Variants in ETV6 observed in about 807,000 individuals in gnomAD.
The protein encoded by ETV6 is transcription factor ETV6.
Under a neutral mutation model 51.1 loss-of-function variants are expected in ETV6, and 16 were observed. That is an observed-to-expected ratio of 0.31 (90% CI 0.21 to 0.48). The LOEUF (loss-of-function observed/expected upper bound fraction) is 0.48, where lower values mean the gene tolerates loss of function less well. ETV6 is among the 20% of genes least tolerant of loss of function. The pLI is 0.99. For synonymous variants in ETV6, 240 were observed against 224.1 expected (o/e 1.07, Z -0.64); for missense variants, 458 against 594.8 (o/e 0.77, Z 2.39).
chr12:11,662,424 G>T (rs1276354902), intron 1 of ETV6, among the ~76,000 whole-genome samples: 2 of 152,190 alleles, frequency 1.3e-5, no homozygotes, highest in African/African-American at 2.4e-5. Flanking sequence ...TCTCTGTCTT[G>T]AAAAACTTGG....
At chr12:11,730,635 C>G (rs1045605272) in intron 1 of ETV6, among the ~76,000 whole-genome samples, 1 of 152,226 alleles carries the variant, frequency 6.6e-6, no homozygotes, top group African/African-American at 2.4e-5. Context: ...TGTGAACCTG[C>G]GACTTCATCC....
In ETV6 at chr12:11,689,124, G is replaced by A. The variant is rs1431591384; in HGVS notation, c.33+38964G>A. Among the ~76,000 whole-genome samples, 2 of 141,934 alleles carry A rather than the reference G, an allele frequency of 1.4e-5. 1 individual carries two copies. The highest frequency in any genetic ancestry group is 4.5e-4 in the East Asian group (2 of 4,472). 93.1% of individuals were successfully genotyped at this position (141,934 alleles called of 152,430 possible). A position where few individuals can be genotyped will look rare whatever the true frequency, so the allele number is the denominator to read the frequency against. Reference sequence around the variant, plus strand: ...CAAAGGAGGCCCAGGACTCAGCCTGGCAGGGAAAATGGGGCGGGGGGGCGG... The same window carrying A: ...CAAAGGAGGCCCAGGACTCAGCCTGACAGGGAAAATGGGGCGGGGGGGCGG... On this transcript the variant is annotated intron_variant, in intron 1 of 7. Transcript: ENST00000396373.
chr12:11,843,184 G>A lies in ETV6; in HGVS notation c.328+3880G>A, dbSNP rs560820270. On this transcript the variant is annotated intron_variant, in intron 3 of 7. Transcript: ENST00000396373. Reference sequence around the variant, plus strand: ...TTACCACAGAACACAGGAGTATTGCGAATGGGTTTATAAGACAACTAAGTT... The same window carrying A: ...TTACCACAGAACACAGGAGTATTGCAAATGGGTTTATAAGACAACTAAGTT... 4.6e-5 allele frequency among the ~76,000 whole-genome samples: 7 copies of A among 152,310 alleles called. No homozygotes were observed. The South Asian group carries it at 6.2e-4, about 14-fold the overall frequency.
In ETV6 at chr12:11,892,172, C is replaced by CAA. The variant is rs951054173; in HGVS notation, c.*1128_*1129dup. On this transcript the variant is annotated 3_prime_UTR_variant, in exon 8 of 8. Transcript: ENST00000396373. The stretch of plus-strand genomic sequence containing the variant: ...AGAAAAGCTCCTCTCTGCTCCATTC[C>CAA]AAAGGCCATCTTGTGGTCAGTTTCA... The CAA allele has an allele frequency of 7.8e-5, 18 of 229,436 alleles. No individual in the cohort carries two copies. The highest frequency in any genetic ancestry group is 1.4e-4 in the African/African-American group (6 of 44,066). 14.2% of individuals were successfully genotyped at this position (229,436 alleles called of 1,614,324 possible).
intron 2 of ETV6, among the ~76,000 whole-genome samples, chr12:11,813,782 G>A (rs1342144973): frequency 6.6e-6 from 1 of 152,232 alleles, no homozygotes; most frequent in African/African-American, 2.4e-5. Flanking sequence ...ATTTAGGACA[G>A]GCCAAAGAAA....
At chr12:11,706,614 T>C (rs2954980) in intron 1 of ETV6, among the ~76,000 whole-genome samples, 99,562 of 152,042 alleles carry the variant, frequency 0.65, 32,721 homozygotes, top group Middle Eastern at 0.78. Flanking sequence ...TGCTAGGAGA[T>C]AGTAGGGCCA....
At chr12:11,859,118 G>GCCTTTTTT (rs1565555150) in intron 4 of ETV6, among the ~76,000 whole-genome samples, 1 of 41,794 alleles carries the variant, frequency 2.4e-5, no homozygotes, top group African/African-American at 7.0e-5. Flanking sequence ...ATATGAATCT[G>GCCTTTTTT]GTTTTTTTTT....
At chr12:11,741,413 G>A (rs1416925794) in intron 1 of ETV6, among the ~76,000 whole-genome samples, 1 of 152,218 alleles carries the variant, frequency 6.6e-6, no homozygotes, top group Non-Finnish European at 1.5e-5. Context: ...AGAGGGAAGG[G>A]AATGCAGGCC....
chr12:11,811,683 G>A (rs1416357443), intron 2 of ETV6, among the ~76,000 whole-genome samples: 1 of 152,082 alleles, frequency 6.6e-6, no homozygotes, highest in African/African-American at 2.4e-5. Flanking sequence ...TTGGAACGAA[G>A]CAAAATAACA....
At chr12:11,662,229 G>A (rs1864113175) in intron 1 of ETV6, among the ~76,000 whole-genome samples, 1 of 152,174 alleles carries the variant, frequency 6.6e-6, no homozygotes, top group Non-Finnish European at 1.5e-5. Flanking sequence ...TGGGAGAGAT[G>A]TGGGATAAGG....
intron 1 of ETV6, among the ~76,000 whole-genome samples, chr12:11,685,208 C>G (rs148226311): frequency 7.1e-4 from 108 of 151,606 alleles, no homozygotes; most frequent in African/African-American, 2.6e-3. Context: ...TTTTCAGTGT[C>G]TTAACTTTTC....
chr12:11,755,066 GT>G (rs1555124221), intron 2 of ETV6, among the ~76,000 whole-genome samples: 2 of 152,220 alleles, frequency 1.3e-5, no homozygotes, highest in Non-Finnish European at 2.9e-5. Context: ...CAAAAAGTGT[GT>G]GTTTAGTAAA....
intron 7 of ETV6, among the ~76,000 whole-genome samples, chr12:11,889,868 A>G (rs1182503982): frequency 1.3e-5 from 2 of 152,196 alleles, no homozygotes; most frequent in African/African-American, 4.8e-5. Context: ...AGGGCAGAGT[A>G]TATGGGGAGA....
intron 2 of ETV6, among the ~76,000 whole-genome samples, chr12:11,775,026 G>A (rs994579193): frequency 6.6e-6 from 1 of 152,234 alleles, no homozygotes; most frequent in South Asian, 2.1e-4. Flanking sequence ...AGACTTGTGT[G>A]TGGCTAGACG....
At chr12:11,710,181 T>C (rs1865147586) in intron 1 of ETV6, among the ~76,000 whole-genome samples, 1 of 152,090 alleles carries the variant, frequency 6.6e-6, no homozygotes, top group African/African-American at 2.4e-5. Flanking sequence ...GGAGAACTCT[T>C]TTCTCCCTTT....
rs117277606 is a variant in ETV6, at chr12:11,663,577, A to C, written c.33+13417A>C. ...GCGAAGAAACCTAACATATAGATGT[A>C]AAATATATCTCCTTGGAGGCCTGGC... On this transcript the variant is annotated intron_variant, in intron 1 of 7. Transcript: ENST00000396373. 7.5e-3 allele frequency among the ~76,000 whole-genome samples: 1,139 copies of C among 152,374 alleles called. 11 individuals are homozygous for C. The highest frequency in any genetic ancestry group is 0.012 in the Non-Finnish European group (833 of 68,038).
intron 2 of ETV6, among the ~76,000 whole-genome samples, chr12:11,811,707 G>A (rs1945917100): frequency 6.6e-6 from 1 of 152,158 alleles, no homozygotes; most frequent in African/African-American, 2.4e-5. Context: ...CTGAGTGCCT[G>A]CTAAGGTCCA....
intron 2 of ETV6, among the ~76,000 whole-genome samples, chr12:11,811,360 C>T (rs946803218): frequency 1.3e-5 from 2 of 152,214 alleles, no homozygotes; most frequent in Non-Finnish European, 2.9e-5. Flanking sequence ...GCTATGGTGA[C>T]CTGGCCACTG....
chr12:11,678,158 T>G (rs1402180089), intron 1 of ETV6, among the ~76,000 whole-genome samples: 1 of 152,176 alleles, frequency 6.6e-6, no homozygotes, highest in Non-Finnish European at 1.5e-5. Context: ...ACATCCTTAT[T>G]ATAAGAACTT....
Sources: allele counts gnomAD v4.1 joint callset (sites outside exome capture counted in the v4.1 genomes callset), GRCh38; gene constraint gnomAD v4.1.1; transcripts MANE v1.5; gene names NCBI Gene and HGNC (gene_info 2026-07-23, HGNC 2026-07-21).